Variants in TBC1D2 observed in about 807,000 individuals in gnomAD.
TBC1D2 encodes TBC1 domain family member 2.
A neutral mutation model predicts 91.1 loss-of-function variants in TBC1D2; 58 were observed. The observed-to-expected ratio is 0.64, with a 90% CI of 0.52 to 0.79. The LOEUF is 0.79. Among genes scored for constraint, TBC1D2 ranks in the 30% least tolerant of loss-of-function variants. The probability of loss-of-function intolerance (pLI) is 0.00; values close to 1 mark genes in which losing one functional copy is unlikely to be tolerated. For missense variants in TBC1D2, 1,080 were observed against 1,208.3 expected (o/e 0.89, Z 1.57); for synonymous variants, 482 against 511.5 (o/e 0.94, Z 0.78).
chr9:98,208,962 T>C lies in TBC1D2; in HGVS notation c.1856A>G (p.Lys619Arg). Residue 619 changes from lysine to arginine, a missense_variant, in exon 9 of 13, where the codon AAG (lysine) becomes AGG (arginine). Transcript: ENST00000465784. The stretch of plus-strand genomic sequence containing the variant: ...GGGTACTCCTGCCCGCAGTAGCTGC[T>C]TGAGCTCGGCTGAGGGCACAAGATC... ...LGDLVPSAEL[K>R]QLLRAGVPRE... The C allele has an allele frequency of 6.2e-7, 1 of 1,614,114 alleles. No homozygotes were observed. The highest frequency in any genetic ancestry group is 1.1e-5 in the South Asian group (1 of 91,076).
At chr9:98,242,441 C>CA (rs961264421) in intron 3 of TBC1D2, among the ~76,000 whole-genome samples, 800 of 76,030 alleles carry the variant, frequency 0.011, 2 homozygotes, top group Middle Eastern at 0.039. Context: ...ACTCCATCTC[C>CA]AAAAAAAAAA....
intron 6 of TBC1D2, among the ~76,000 whole-genome samples, chr9:98,217,154 C>T (rs527850070): frequency 5.6e-4 from 86 of 152,356 alleles, no homozygotes; most frequent in African/African-American, 2.0e-3. Flanking sequence ...GTACCTCCCC[C>T]TCCAGCTCGA....
chr9:98,201,649 G>A lies in TBC1D2; in HGVS notation c.2287C>T (p.Leu763Phe). The change falls in exon 11 of 13, where the codon CTC becomes TTC. Residue 763 changes from leucine to phenylalanine, a missense_variant. Coordinates refer to ENST00000465784, the MANE Select transcript of TBC1D2 (RefSeq NM_001267571.2). ...AGCTTCTCCGAGAGCAGGTCCTGGA[G>A]CACCCGCTGGTCCACCTGGAAGCCA... Reference protein sequence around the residue: ...LTASQVDQRVLQDLLSEKLPR... With the variant: ...LTASQVDQRVFQDLLSEKLPR... 6.2e-7 allele frequency: 1 copy of A among 1,612,182 alleles called. No individual in the cohort carries two copies. The highest frequency in any genetic ancestry group is 2.2e-5 in the East Asian group (1 of 44,840).
chr9:98,247,798 A>G (rs1829798221), intron 2 of TBC1D2, among the ~76,000 whole-genome samples: 1 of 152,040 alleles, frequency 6.6e-6, no homozygotes, highest in Non-Finnish European at 1.5e-5. Context: ...AGTAACCTTT[A>G]AGCCAGACTC....
intron 1 of TBC1D2, among the ~76,000 whole-genome samples, chr9:98,252,169 C>T (rs73488770): frequency 0.12 from 18,293 of 152,170 alleles, 2,540 homozygotes; most frequent in African/African-American, 0.34. Context: ...GACAATAAGT[C>T]TCATTGCATA....
At chr9:98,233,336 C>G (rs73657124) in intron 4 of TBC1D2, 80 bp downstream of exon 4, 5 of 1,519,896 alleles carry the variant, frequency 3.3e-6, no homozygotes, top group African/African-American at 1.4e-5. Flanking sequence ...AATGCTGGTT[C>G]GCTGGAAGGA....
Position 98,233,420 on chromosome 9 carries a change from G to A in TBC1D2, c.777C>T (p.Thr259=), listed in dbSNP as rs749170021. ...EEQPLASDAS[T]PGREPEDSPK... ...CAGCCCTGGACAGAGGCTCACCTGG[G>A]GTGCTGGCGTCAGAGGCCAAGGGCT... Residue 259 remains threonine (T), a synonymous_variant, in exon 4 of 13, where the codon ACC becomes ACT. Coordinates refer to ENST00000465784, the MANE Select transcript of TBC1D2 (RefSeq NM_001267571.2). The A allele has an allele frequency of 1.2e-6, 2 of 1,613,696 alleles. No individual in the cohort carries two copies. Among genetic ancestry groups the A allele is most frequent in the Non-Finnish European group, 1.7e-6 (2 of 1,179,792 alleles).
intron 2 of TBC1D2, among the ~76,000 whole-genome samples, chr9:98,247,338 A>G (rs574022100): frequency 7.4e-4 from 111 of 150,030 alleles, no homozygotes; most frequent in Non-Finnish European, 1.2e-3. Context: ...TCAAAAAAAA[A>G]AAACAAAAAC....
intron 3 of TBC1D2, among the ~76,000 whole-genome samples, chr9:98,237,300 T>C (rs1829528195): frequency 1.3e-5 from 2 of 150,280 alleles, no homozygotes; most frequent in South Asian, 2.1e-4. Flanking sequence ...TGAGTGGAGA[T>C]TGCGCCACTG....
chr9:98,214,168 C>A (rs1025135639), intron 6 of TBC1D2, among the ~76,000 whole-genome samples: 7 of 152,176 alleles, frequency 4.6e-5, no homozygotes, highest in Non-Finnish European at 8.8e-5. Context: ...GCAAGCGATG[C>A]TGCAGCAAGG....
intron 10 of TBC1D2, among the ~76,000 whole-genome samples, 194 bp from the exon 11 acceptor site, chr9:98,201,858 C>T (rs116727428): frequency 1.4e-3 from 220 of 152,314 alleles, no homozygotes; most frequent in African/African-American, 5.1e-3. Flanking sequence ...CATATCACTC[C>T]GCTGCTCCTA....
chr9:98,226,982 T>C (rs1829247231), intron 5 of TBC1D2, among the ~76,000 whole-genome samples: 2 of 152,214 alleles, frequency 1.3e-5, no homozygotes, highest in South Asian at 2.1e-4. Context: ...TGACAATTTG[T>C]AATGTCTTAG....
At chr9:98,217,084 G>A (rs962107320) in intron 6 of TBC1D2, among the ~76,000 whole-genome samples, 8 of 152,184 alleles carry the variant, frequency 5.3e-5, no homozygotes, top group Admixed American at 1.3e-4. Flanking sequence ...CAGACATGCC[G>A]GACAGGGAGG....
At chr9:98,229,230 A>G in intron 4 of TBC1D2, 82 bp from the exon 5 acceptor site, 1 of 1,344,300 alleles carries the variant, frequency 7.4e-7, no homozygotes, top group Non-Finnish European at 1.0e-6. Flanking sequence ...AAGCACCTGG[A>G]GGGCTTGTTA....
intron 5 of TBC1D2, among the ~76,000 whole-genome samples, chr9:98,221,759 C>T (rs1490622282): frequency 2.0e-5 from 3 of 152,040 alleles, no homozygotes; most frequent in Non-Finnish European, 2.9e-5. Context: ...GATAGCGTCT[C>T]CCTCTGTTAC....
In TBC1D2 at chr9:98,255,261, T is replaced by A. The variant is rs1468412349; in HGVS notation, c.281A>T (p.Asp94Val). 1 of 1,614,074 alleles carries A rather than the reference T, an allele frequency of 6.2e-7. No individual in the cohort carries two copies. The highest frequency in any genetic ancestry group is 2.2e-5 in the East Asian group (1 of 44,876). The part of the protein sequence containing the change: ...AQDANPLDSI[D>V]LSSAVFDCKA... ...ACAGTCAAACACTGCACTGGAGAGG[T>A]CGATGCTGTCCAAGGGATTGGCATC... The change falls in exon 1 of 13, where the codon GAC becomes GTC. Residue 94 changes from aspartate to valine, a missense_variant. Physicochemically the swap from Asp to Val is radical, Grantham distance 152. Transcript: ENST00000465784.
intron 5 of TBC1D2, among the ~76,000 whole-genome samples, chr9:98,223,180 G>A (rs1829141643): frequency 6.6e-6 from 1 of 152,246 alleles, no homozygotes; most frequent in South Asian, 2.1e-4. Context: ...GTCTGGGGTG[G>A]AGGTTGTGGG....
At chr9:98,202,625 A>T (rs1249793238) in intron 10 of TBC1D2, among the ~76,000 whole-genome samples, 1 of 152,250 alleles carries the variant, frequency 6.6e-6, no homozygotes, top group African/African-American at 2.4e-5. Flanking sequence ...ACAAAGCAGG[A>T]GGAGCGGATG....
At chr9:98,235,295 A>G (rs1201184698) in intron 3 of TBC1D2, 4 of 389,634 alleles carry the variant, frequency 1.0e-5, no homozygotes, top group South Asian at 2.3e-5. Flanking sequence ...TATTGTTTAC[A>G]TAACAGATGG....
Sources: allele counts gnomAD v4.1 joint callset (sites outside exome capture counted in the v4.1 genomes callset), GRCh38; gene constraint gnomAD v4.1.1; transcripts MANE v1.5; gene names NCBI Gene and HGNC (gene_info 2026-07-23, HGNC 2026-07-21).